Variants in TBCK observed in about 807,000 individuals in gnomAD.
TBCK encodes the protein TBC1 domain containing kinase.
Under a neutral mutation model 113.4 loss-of-function variants are expected in TBCK, and 99 were observed. The ratio of observed to expected loss-of-function variants is 0.87; its 90% CI spans 0.74 to 1.03. TBCK has a LOEUF of 1.03. TBCK is among the 50% of genes least tolerant of loss of function. The pLI is 0.00. For missense variants in TBCK, 1,045 were observed against 1,061.3 expected (o/e 0.98, Z 0.21); for synonymous variants, 369 against 370.8 (o/e 1.00, Z 0.05).
At chr4:106,075,017 G>T (rs1009970001) in intron 25 of TBCK, among the ~76,000 whole-genome samples, 7 of 152,196 alleles carry the variant, frequency 4.6e-5, no homozygotes, top group African/African-American at 1.7e-4. Context: ...GGGTGAATAA[G>T]GTAAAAAAGG....
chr4:106,098,303 G>A (rs1041359385), intron 24 of TBCK, among the ~76,000 whole-genome samples: 9 of 152,154 alleles, frequency 5.9e-5, no homozygotes, highest in African/African-American at 2.2e-4. Context: ...CAGTCACTAT[G>A]CTATTTTATA....
intron 3 of TBCK, among the ~76,000 whole-genome samples, chr4:106,267,671 A>G (rs1763111911): frequency 6.6e-6 from 1 of 152,016 alleles, no homozygotes; most frequent in South Asian, 2.1e-4. Flanking sequence ...CATCACCAAA[A>G]AAGATGTTGA....
intron 23 of TBCK, among the ~76,000 whole-genome samples, chr4:106,162,700 G>T (rs964176801): frequency 6.6e-6 from 1 of 152,190 alleles, no homozygotes; most frequent in Non-Finnish European, 1.5e-5. Flanking sequence ...AGAAGCAAGG[G>T]TCTGAGCTGT....
chr4:106,152,747 C>A (rs1222737341), intron 23 of TBCK, among the ~76,000 whole-genome samples: 1 of 152,008 alleles, frequency 6.6e-6, no homozygotes, highest in African/African-American at 2.4e-5. Context: ...ATTATGGCTT[C>A]ACTCTCATTA....
chr4:106,047,184 T>G (rs1734313847), intron 25 of TBCK, among the ~76,000 whole-genome samples: 1 of 152,074 alleles, frequency 6.6e-6, no homozygotes, highest in Admixed American at 6.6e-5. Flanking sequence ...CAACTAACAT[T>G]TTGAGTCCAC....
At chr4:106,138,236 C>T (rs781302186) in intron 23 of TBCK, among the ~76,000 whole-genome samples, 8 of 141,080 alleles carry the variant, frequency 5.7e-5, no homozygotes, top group East Asian at 2.0e-4. Context: ...CATGGGACCA[C>T]GGTCATGTAT....
intron 22 of TBCK, among the ~76,000 whole-genome samples, chr4:106,174,518 G>A (rs1751399183): frequency 6.6e-6 from 1 of 151,998 alleles, no homozygotes; most frequent in Non-Finnish European, 1.5e-5. Context: ...TCTCTGTTAA[G>A]TTTTAGGATC....
intron 23 of TBCK, among the ~76,000 whole-genome samples, chr4:106,153,826 G>C (rs1748807343): frequency 6.6e-6 from 1 of 151,844 alleles, no homozygotes. Flanking sequence ...TCTCTTCTTA[G>C]AGTTTTTTTT....
At chr4:106,052,533 T>A (rs957406893) in intron 25 of TBCK, among the ~76,000 whole-genome samples, 1 of 151,764 alleles carries the variant, frequency 6.6e-6, no homozygotes, top group Non-Finnish European at 1.5e-5. Flanking sequence ...AACCAAGTTG[T>A]TTCTAATTTT....
At chr4:106,296,699 A>T (rs1049140363) in intron 2 of TBCK, among the ~76,000 whole-genome samples, 3 of 152,184 alleles carry the variant, frequency 2.0e-5, no homozygotes, top group African/African-American at 7.2e-5. Context: ...AGTGAATATT[A>T]TCATTTTCAG....
intron 24 of TBCK, among the ~76,000 whole-genome samples, chr4:106,100,567 G>C (rs978567221): frequency 1.3e-5 from 2 of 151,606 alleles, no homozygotes; most frequent in African/African-American, 4.9e-5. Flanking sequence ...GGATATGAAT[G>C]AATGATTATA....
At chr4:106,081,474 C>T (rs772778914) in intron 25 of TBCK, among the ~76,000 whole-genome samples, 69 of 152,230 alleles carry the variant, frequency 4.5e-4, no homozygotes, top group Non-Finnish European at 8.2e-4. Context: ...TGGGAACACA[C>T]GGCCACATGG....
At chr4:106,048,761 T>C (rs1560577741) in intron 25 of TBCK, among the ~76,000 whole-genome samples, 1 of 152,156 alleles carries the variant, frequency 6.6e-6, no homozygotes, top group Non-Finnish European at 1.5e-5. Flanking sequence ...CGAAGGACTG[T>C]ACATGCAACT....
Position 106,041,773 on chromosome 4 carries a change from C to G in TBCK, c.*4797G>C, listed in dbSNP as rs945771977. The G allele has an allele frequency of 1.3e-5, 2 of 152,194 alleles. No individual in the cohort carries two copies. Among genetic ancestry groups the G allele is most frequent in the African/African-American group, 4.8e-5 (2 of 41,448 alleles). 9.4% of individuals were successfully genotyped at this position (152,194 alleles called of 1,614,324 possible). ...CCTGAAAGTCACCGTAGAAGCTATA[C>G]AGATCACAATCTATCTATAGAACAC... On this transcript the variant is annotated 3_prime_UTR_variant, in exon 26 of 26. Coordinates refer to ENST00000394708, the MANE Select transcript of TBCK (RefSeq NM_001163435.3).
intron 22 of TBCK, among the ~76,000 whole-genome samples, chr4:106,174,708 C>A (rs983808194): frequency 1.3e-5 from 2 of 152,012 alleles, no homozygotes; most frequent in Non-Finnish European, 2.9e-5. Context: ...AATTTAATTT[C>A]TAATAATTTT....
intron 25 of TBCK, among the ~76,000 whole-genome samples, chr4:106,075,971 G>A (rs1288031588): frequency 2.0e-5 from 3 of 152,170 alleles, no homozygotes; most frequent in South Asian, 2.1e-4. Context: ...AAAAGCCTTC[G>A]GAGCTCACTG....
intron 23 of TBCK, among the ~76,000 whole-genome samples, chr4:106,132,480 T>C (rs1746067560): frequency 6.6e-6 from 1 of 152,214 alleles, no homozygotes; most frequent in Non-Finnish European, 1.5e-5. Flanking sequence ...CTGCCTAGAT[T>C]TCAGAGGATG....
intron 1 of TBCK, chr4:106,315,480 C>A (rs1768706817): frequency 6.6e-6 from 1 of 152,146 alleles, no homozygotes; most frequent in African/African-American, 2.4e-5. Context: ...TAGATAGAAA[C>A]CAGGACAGGG....
At chr4:106,235,206 C>G in intron 15 of TBCK, 63 bp downstream of exon 15, 2,010 of 928,890 alleles carry the variant, frequency 2.2e-3, no homozygotes, top group Non-Finnish European at 2.8e-3. Flanking sequence ...TTGGAAAGCA[C>G]TCTCCTTCTC....
Sources: allele counts gnomAD v4.1 joint callset (sites outside exome capture counted in the v4.1 genomes callset), GRCh38; gene constraint gnomAD v4.1.1; transcripts MANE v1.5; gene names NCBI Gene and HGNC (gene_info 2026-07-23, HGNC 2026-07-21).